FNDC3A: variants seen among roughly 807,000 people sequenced by gnomAD.
The protein encoded by FNDC3A is fibronectin type-III domain-containing protein 3A.
In FNDC3A, 32 loss-of-function variants were observed where a neutral mutation model predicts 148.9. The ratio of observed to expected loss-of-function variants is 0.21; its 90% CI spans 0.16 to 0.29. The LOEUF is 0.29. FNDC3A is among the 10% of genes least tolerant of loss of function. FNDC3A has a pLI of 1.00. For missense variants in FNDC3A, 1,191 were observed against 1,452.8 expected, an observed-to-expected ratio of 0.82 and a Z score of 2.93; for synonymous variants, 472 against 473.6, an observed-to-expected ratio of 1.00 and a Z score of 0.04.
intron 2 of FNDC3A, among the ~76,000 whole-genome samples, chr13:49,039,783 C>T (rs1433145945): frequency 2.0e-5 from 3 of 152,138 alleles, no homozygotes; most frequent in East Asian, 1.9e-4. Flanking sequence ...GGCGCAATCT[C>T]GGCTCACTGC....
intron 4 of FNDC3A, among the ~76,000 whole-genome samples, chr13:49,126,772 G>A (rs976513020): frequency 6.6e-6 from 1 of 152,102 alleles, no homozygotes; most frequent in African/African-American, 2.4e-5. Context: ...ATAGTATGTA[G>A]CATTGTTCCA....
chr13:49,085,779 G>A (rs1254514095), intron 3 of FNDC3A, among the ~76,000 whole-genome samples: 5 of 151,962 alleles, frequency 3.3e-5, no homozygotes. Context: ...ATGGGTGGAA[G>A]TTAAAAGAAA....
intron 1 of FNDC3A, among the ~76,000 whole-genome samples, chr13:48,999,183 G>T (rs1952079639): frequency 6.6e-6 from 1 of 152,192 alleles, no homozygotes; most frequent in South Asian, 2.1e-4. Context: ...CCATGGGAGT[G>T]ATGCTGCCAT....
intron 2 of FNDC3A, among the ~76,000 whole-genome samples, chr13:49,059,586 G>T (rs1195982260): frequency 6.6e-6 from 1 of 152,118 alleles, no homozygotes; most frequent in Non-Finnish European, 1.5e-5. Context: ...CTCCCAAGTG[G>T]CTGGGATTAC....
intron 2 of FNDC3A, among the ~76,000 whole-genome samples, chr13:49,017,294 A>G (rs1167829656): frequency 6.6e-6 from 1 of 152,046 alleles, no homozygotes; most frequent in African/African-American, 2.4e-5. Context: ...TCCTGTATTG[A>G]GTGCACATAT....
chr13:49,099,239 T>A (rs921096621), intron 3 of FNDC3A, among the ~76,000 whole-genome samples: 1 of 152,200 alleles, frequency 6.6e-6, no homozygotes, highest in Non-Finnish European at 1.5e-5. Context: ...GCTTCCACCT[T>A]GATCTCTAGT....
Position 49,208,864 on chromosome 13 carries a change from G to C in FNDC3A, c.*1469G>C, listed in dbSNP as rs996879094. 3 of 152,464 alleles carry C rather than the reference G, an allele frequency of 2.0e-5. No individual in the cohort carries two copies. The highest frequency in any genetic ancestry group is 4.4e-5 in the Non-Finnish European group (3 of 67,966). 9.4% of individuals were successfully genotyped at this position (152,464 alleles called of 1,614,324 possible). ...TTATTAAGCACTTCTGTCAGTCTTT[G>C]AAAAAAGAACGTATTTTTTGTGCTT... On this transcript the variant is annotated 3_prime_UTR_variant, in exon 26 of 26. Coordinates refer to ENST00000492622, the MANE Select transcript of FNDC3A (RefSeq NM_001079673.2).
chr13:49,138,782 C>A lies in FNDC3A; in HGVS notation c.796C>A (p.Leu266Ile). Residue 266 changes from leucine to isoleucine, a missense_variant, in exon 7 of 26, where the codon CTT (leucine) becomes ATT (isoleucine). Coordinates refer to ENST00000492622, the MANE Select transcript of FNDC3A (RefSeq NM_001079673.2). ...DEETKAFEAL[L>I]SNIVKPVASD... Reference sequence around the variant, plus strand: ...AGAAACTAAAGCATTTGAAGCACTTCTTTCCAACATTGTCAAACCAGTGGT... The same window carrying A: ...AGAAACTAAAGCATTTGAAGCACTTATTTCCAACATTGTCAAACCAGTGGT... 1 of 1,508,122 alleles carries A rather than the reference C, an allele frequency of 6.6e-7. No individual in the cohort carries two copies. Among genetic ancestry groups the A allele is most frequent in the Non-Finnish European group, 9.1e-7 (1 of 1,100,224 alleles). 93.4% of individuals were successfully genotyped at this position (1,508,122 alleles called of 1,614,324 possible). A position where few individuals can be genotyped will look rare whatever the true frequency, so the allele number is the denominator to read the frequency against.
intron 17 of FNDC3A, among the ~76,000 whole-genome samples, chr13:49,190,563 A>T (rs1289839111): frequency 6.6e-6 from 1 of 152,224 alleles, no homozygotes; most frequent in African/African-American, 2.4e-5. Context: ...AATACAGTCT[A>T]CAGTAGTAAA....
At chr13:49,163,961 C>T (rs958386311) in intron 8 of FNDC3A, among the ~76,000 whole-genome samples, 1 of 152,026 alleles carries the variant, frequency 6.6e-6, no homozygotes, top group Non-Finnish European at 1.5e-5. Context: ...CATTTGTGTG[C>T]TTGCTCTATC....
At chr13:49,106,934 ATTG>A in intron 3 of FNDC3A, among the ~76,000 whole-genome samples, 1 of 152,190 alleles carries the variant, frequency 6.6e-6, no homozygotes, top group Non-Finnish European at 1.5e-5. Context: ...AAATCATAAT[ATTG>A]TTTAGGGATA....
chr13:49,064,411 C>CAAA (rs1555286178), intron 2 of FNDC3A, among the ~76,000 whole-genome samples: 1 of 90,056 alleles, frequency 1.1e-5, no homozygotes, highest in Non-Finnish European at 2.1e-5. Context: ...GCCCCCCCCC[C>CAAA]AAAAAAAAAA....
intron 8 of FNDC3A, among the ~76,000 whole-genome samples, chr13:49,165,542 G>T (rs915295324): frequency 1.3e-5 from 2 of 152,064 alleles, no homozygotes; most frequent in African/African-American, 4.8e-5. Context: ...GCCTGTCCTC[G>T]GGCCTCAGTA....
intron 1 of FNDC3A, among the ~76,000 whole-genome samples, chr13:48,984,504 G>C (rs1951753504): frequency 1.3e-5 from 2 of 152,128 alleles, no homozygotes; most frequent in Admixed American, 6.5e-5. Flanking sequence ...AAATTCAGGA[G>C]AAGATCCATA....
chr13:49,043,987 C>T (rs17072653), intron 2 of FNDC3A: 2,573 of 152,254 alleles, frequency 0.017, 55 homozygotes, highest in Admixed American at 0.055. Context: ...TTGTAGTTTA[C>T]CAGAAAAGCA....
chr13:49,087,857 A>T (rs1878914730), intron 3 of FNDC3A, among the ~76,000 whole-genome samples: 1 of 152,182 alleles, frequency 6.6e-6, no homozygotes, highest in African/African-American at 2.4e-5. Flanking sequence ...ATGAACATTT[A>T]TGCAGTCGGT....
chr13:49,109,738 A>T (rs1333124669), intron 3 of FNDC3A, among the ~76,000 whole-genome samples: 1 of 152,238 alleles, frequency 6.6e-6, no homozygotes, highest in Non-Finnish European at 1.5e-5. Flanking sequence ...AAAAAATCAG[A>T]AAGAAAATAA....
At chr13:49,063,087 C>G (rs985385528) in intron 2 of FNDC3A, among the ~76,000 whole-genome samples, 1 of 152,048 alleles carries the variant, frequency 6.6e-6, no homozygotes, top group African/African-American at 2.4e-5. Flanking sequence ...TTATAGAATT[C>G]TGCAGCACAA....
At chr13:49,136,125 T>TGA (rs1440719417) in intron 5 of FNDC3A, among the ~76,000 whole-genome samples, 1 of 152,082 alleles carries the variant, frequency 6.6e-6, no homozygotes, top group Non-Finnish European at 1.5e-5. Flanking sequence ...TAAATTTACT[T>TGA]GAGAGAGAGA....
Sources: allele counts gnomAD v4.1 joint callset (sites outside exome capture counted in the v4.1 genomes callset), GRCh38; gene constraint gnomAD v4.1.1; transcripts MANE v1.5; gene names NCBI Gene and HGNC (gene_info 2026-07-23, HGNC 2026-07-21).